AMY2B: variants seen among roughly 807,000 people sequenced by gnomAD.
AMY2B encodes amylase alpha 2B.
Under a neutral mutation model 59.3 loss-of-function variants are expected in AMY2B, and 63 were observed. The observed-to-expected ratio is 1.06, with a 90% CI of 0.87 to 1.31. The LOEUF is 1.31. AMY2B is among the 50% of genes most tolerant of loss of function. AMY2B has a pLI of 0.00. For synonymous variants in AMY2B, 180 were observed against 198.1 expected (o/e 0.91, Z 0.77); for missense variants, 635 against 626.7 (o/e 1.01, Z -0.14).
chr1:103,576,580 T>A (rs2101078465), intron 7 of AMY2B, among the ~76,000 whole-genome samples: 1 of 152,202 alleles, frequency 6.6e-6, no homozygotes, highest in Non-Finnish European at 1.5e-5. Flanking sequence ...GTTACTCTGG[T>A]TTTTTTAATT....
upstream of AMY2B, chr1:103,570,631 A>G: frequency 1.7e-6 from 1 of 589,140 alleles, no homozygotes. Context: ...AAGCAATAGT[A>G]CAATGACTTG....
chr1:103,570,880 T>C, upstream of AMY2B: 1 of 386,896 alleles, frequency 2.6e-6, no homozygotes, highest in Non-Finnish European at 5.1e-6. Context: ...AAGTTAACTG[T>C]TCCCCTTGGT....
At chr1:103,556,773 T>C (rs1485888364) in intron 1 of AMY2B, among the ~76,000 whole-genome samples, 1 of 152,078 alleles carries the variant, frequency 6.6e-6, no homozygotes, top group Non-Finnish European at 1.5e-5. Flanking sequence ...TAAATGAATT[T>C]TGAAATCTCA....
upstream of AMY2B, chr1:103,569,507 C>G (rs1017344769): frequency 3.9e-6 from 1 of 253,414 alleles, no homozygotes; most frequent in African/African-American, 2.3e-5. Context: ...AGCCCATGCA[C>G]CATGTTGTCC....
intron 1 of AMY2B, among the ~76,000 whole-genome samples, chr1:103,564,815 A>T (rs532741228): frequency 6.6e-6 from 1 of 151,942 alleles, no homozygotes; most frequent in Non-Finnish European, 1.5e-5. Context: ...AATTGTTTTT[A>T]TATACCCATT....
At chr1:103,573,412 T>A in intron 3 of AMY2B, 152 bp downstream of exon 3, 1 of 1,400,078 alleles carries the variant, frequency 7.1e-7, no homozygotes, top group Non-Finnish European at 9.7e-7. Flanking sequence ...CTCAAATCCA[T>A]ATTTAAAAAC....
intron 1 of AMY2B, among the ~76,000 whole-genome samples, chr1:103,557,475 G>A (rs1318761040): frequency 6.6e-6 from 1 of 151,826 alleles, no homozygotes; most frequent in East Asian, 1.9e-4. Context: ...AACACGATGA[G>A]ACCTCGTCTC....
chr1:103,578,014 C>A (rs537131467), intron 9 of AMY2B, among the ~76,000 whole-genome samples, 169 bp downstream of exon 9: 1 of 152,240 alleles, frequency 6.6e-6, no homozygotes, highest in Admixed American at 6.5e-5. Context: ...GGCTGTTACT[C>A]CTTCATTCTC....
At chr1:103,563,894 T>G (rs1273766310) in intron 1 of AMY2B, among the ~76,000 whole-genome samples, 1 of 152,130 alleles carries the variant, frequency 6.6e-6, no homozygotes, top group Non-Finnish European at 1.5e-5. Context: ...TATTGGTGAT[T>G]CTTTTTCATC....
At chr1:103,559,742 G>A (rs1479956203) in intron 1 of AMY2B, among the ~76,000 whole-genome samples, 4 of 152,136 alleles carry the variant, frequency 2.6e-5, no homozygotes, top group African/African-American at 9.7e-5. Flanking sequence ...TAGTAATTGG[G>A]AAAAGCACAA....
Position 103,572,573 on chromosome 1 carries a change from TG to T in AMY2B, c.315+318del, listed in dbSNP as rs1652178673. 2.0e-5 allele frequency among the ~76,000 whole-genome samples: 3 copies of T among 152,190 alleles called. No homozygotes were observed. In the South Asian group the frequency reaches 6.2e-4, roughly 31 times the overall value. On this transcript the variant is annotated intron_variant, in intron 2 of 9. Coordinates refer to ENST00000684275, the MANE Select transcript of AMY2B (RefSeq NM_001387437.1). ...GAGTTATAATTCCAGTTACAATATT[TG>T]CTATCATTTTTAGGTGACTTGTATC... is the stretch of plus-strand genomic sequence containing the variant.
chr1:103,571,014 T>G, upstream of AMY2B: 1 of 381,998 alleles, frequency 2.6e-6, no homozygotes, highest in East Asian at 8.2e-5. Flanking sequence ...CTCTGATCTG[T>G]GCAGGGTATT....
At chr1:103,560,077 A>C (rs892670444) in intron 1 of AMY2B, among the ~76,000 whole-genome samples, 5 of 152,062 alleles carry the variant, frequency 3.3e-5, no homozygotes, top group African/African-American at 4.8e-5. Flanking sequence ...CCTTTAAAAG[A>C]CTCAACTTCT....
At chr1:103,573,311 C>G (rs771352005) in intron 3 of AMY2B, 51 bp downstream of exon 3, 34 of 1,610,946 alleles carry the variant, frequency 2.1e-5, no homozygotes, top group African/African-American at 8.0e-5. Flanking sequence ...TATGCCTTTT[C>G]TTGTAGACAT....
upstream of AMY2B, chr1:103,570,687 C>A (rs1386027338): frequency 1.0e-5 from 6 of 571,840 alleles, no homozygotes; most frequent in African/African-American, 1.1e-4. Context: ...GGACTGTGAG[C>A]AGATGGCTAG....
chr1:103,571,764 G>C lies in AMY2B; in HGVS notation c.162G>C (p.Gly54=), dbSNP rs767159673. 7 of 1,611,880 alleles carry C rather than the reference G, an allele frequency of 4.3e-6. No individual in the cohort carries two copies. In the African/African-American group the frequency reaches 8.0e-5, roughly 18 times the overall value. Residue 54 remains glycine (G), a synonymous_variant, in exon 1 of 10, where the codon GGG becomes GGC. Coordinates refer to ENST00000684275, the MANE Select transcript of AMY2B (RefSeq NM_001387437.1). ...ATTTAGCTCCCAAGGGATTTGGAGGGGTTCAGGTGGGTATGATTCATAGTA... is the reference window on the plus strand; with the variant it reads ...ATTTAGCTCCCAAGGGATTTGGAGGCGTTCAGGTGGGTATGATTCATAGTA... ...ERYLAPKGFG[G]VQVSPPNENV...
At chr1:103,578,108 A>T (rs1299466429) in intron 9 of AMY2B, among the ~76,000 whole-genome samples, 1 of 152,196 alleles carries the variant, frequency 6.6e-6, no homozygotes, top group Non-Finnish European at 1.5e-5. Flanking sequence ...GAATGCACAT[A>T]CATATGCTCA....
Position 103,578,891 on chromosome 1 carries a change from T to C in AMY2B, c.1347-420T>C, listed in dbSNP as rs1334750493. ...GGGGGAGGGATAGCATTGGGAGATA[T>C]ACCTAATGCTAGATGACGAGTTAGT... is the stretch of plus-strand genomic sequence containing the variant. On this transcript the variant is annotated intron_variant, in intron 9 of 9. Coordinates refer to ENST00000684275, the MANE Select transcript of AMY2B (RefSeq NM_001387437.1). Among the ~76,000 whole-genome samples, 3 of 150,664 alleles carry C rather than the reference T, an allele frequency of 2.0e-5. No homozygotes were observed. The East Asian group carries it at 6.0e-4, about 30-fold the overall frequency.
Position 103,575,534 on chromosome 1 carries a change from T to C in AMY2B, c.1095T>C (p.Asn365=). ...ACCGTTGGCCAAGACAGTTTCAAAA[T>C]GGAAACGTAAGTTTTGAAATTGTTC... ...SSYRWPRQFQ[N]GNDVNDWVGP... The change falls in exon 7 of 10, where the codon AAT becomes AAC. Residue 365 remains asparagine, a synonymous_variant. Coordinates refer to ENST00000684275, the MANE Select transcript of AMY2B (RefSeq NM_001387437.1). 1.9e-6 allele frequency: 3 copies of C among 1,613,650 alleles called. No individual in the cohort carries two copies. The highest frequency in any genetic ancestry group is 2.7e-5 in the African/African-American group (2 of 75,014).
Sources: allele counts gnomAD v4.1 joint callset (sites outside exome capture counted in the v4.1 genomes callset), GRCh38; gene constraint gnomAD v4.1.1; transcripts MANE v1.5; gene names NCBI Gene and HGNC (gene_info 2026-07-23, HGNC 2026-07-21).